Variants in BRWD1 observed in about 807,000 individuals in gnomAD.
BRWD1 encodes bromodomain and WD repeat-containing protein 1.
BRWD1 carries 82 observed loss-of-function variants against 251.2 expected under a neutral mutation model. That is an observed-to-expected ratio of 0.33 (90% CI 0.27 to 0.39). BRWD1 has a LOEUF of 0.39. Among genes scored for constraint, BRWD1 ranks in the 10% least tolerant of loss-of-function variants. The pLI is 1.00. For synonymous variants in BRWD1, 918 were observed against 902.8 expected, an observed-to-expected ratio of 1.02 and a Z score of -0.30; for missense variants, 2,233 against 2,711.6, an observed-to-expected ratio of 0.82 and a Z score of 3.92.
chr21:39,309,843 A>AAAAAAGG (rs1243510663), intron 4 of BRWD1, among the ~76,000 whole-genome samples: 2 of 151,670 alleles, frequency 1.3e-5, no homozygotes, highest in African/African-American at 4.8e-5. Flanking sequence ...AAAAAAAAAA[A>AAAAAAGG]AGACACCCAG....
At chr21:39,318,579 CTTCA>C (rs974852214), upstream of BRWD1, among the ~76,000 whole-genome samples, 7 of 152,182 alleles carry the variant, frequency 4.6e-5, no homozygotes, top group African/African-American at 1.7e-4. Flanking sequence ...ACCTGGATCA[CTTCA>C]TTCATTCATT....
intron 29 of BRWD1, among the ~76,000 whole-genome samples, chr21:39,220,936 T>C (rs2033150982): frequency 6.6e-6 from 1 of 152,060 alleles, no homozygotes; most frequent in African/African-American, 2.4e-5. Context: ...GGCAGGGGGA[T>C]CACTTGAGGT....
chr21:39,312,998 G>A (rs1250481876), intron 3 of BRWD1, 74 bp downstream of exon 3: 1 of 1,130,692 alleles, frequency 8.8e-7, no homozygotes, highest in Non-Finnish European at 1.1e-6. Context: ...CGGGCGGGGG[G>A]CGCGGGCGAG....
upstream of BRWD1, among the ~76,000 whole-genome samples, chr21:39,315,365 G>C (rs192077761): frequency 2.4e-4 from 36 of 152,082 alleles, no homozygotes; most frequent in African/African-American, 7.9e-4. Context: ...CGGGTATGGT[G>C]GCTCACGCCT....
intron 19 of BRWD1, among the ~76,000 whole-genome samples, chr21:39,252,454 G>C (rs1372129223): frequency 6.6e-6 from 1 of 151,972 alleles, no homozygotes; most frequent in African/African-American, 2.4e-5. Context: ...AACTTTTATA[G>C]TCAGAAAACA....
intron 36 of BRWD1, among the ~76,000 whole-genome samples, chr21:39,207,451 A>AACACACACACACACACACACAC (rs58765400): frequency 7.6e-4 from 100 of 131,306 alleles, no homozygotes; most frequent in Middle Eastern, 4.1e-3. Context: ...AAAAAAAGAA[A>AACACACACACACACACACACAC]ACACACACAC....
chr21:39,184,241 T>C (rs1004524084), downstream of BRWD1: 1 of 152,250 alleles, frequency 6.6e-6, no homozygotes, highest in Admixed American at 6.5e-5. Context: ...CTGATGATTG[T>C]CAAGGCGATT....
chr21:39,285,715 G>C (rs568209647), intron 8 of BRWD1, among the ~76,000 whole-genome samples: 1 of 151,910 alleles, frequency 6.6e-6, no homozygotes, highest in Admixed American at 6.6e-5. Context: ...TCGAGCCTAG[G>C]AGTGTGACCA....
At chr21:39,198,358 A>G (rs952772656) in intron 40 of BRWD1, among the ~76,000 whole-genome samples, 2 of 152,198 alleles carry the variant, frequency 1.3e-5, no homozygotes, top group African/African-American at 4.8e-5. Flanking sequence ...TTTATTTGCT[A>G]TTACTAACAT....
intron 33 of BRWD1, 87 bp downstream of exon 33, chr21:39,213,394 T>C: frequency 9.8e-7 from 1 of 1,021,000 alleles, no homozygotes; most frequent in Non-Finnish European, 1.5e-6. Context: ...ACTACAAGAG[T>C]TGGTACTACA....
chr21:39,211,044 C>T, intron 34 of BRWD1, 115 bp from the exon 35 acceptor site: 1 of 1,057,726 alleles, frequency 9.5e-7, no homozygotes, highest in Non-Finnish European at 1.3e-6. Context: ...ATATGTTGCT[C>T]TCAACACATT....
chr21:39,296,659 T>C (rs2035969364), intron 5 of BRWD1: 1 of 900,784 alleles, frequency 1.1e-6, no homozygotes, highest in African/African-American at 1.8e-5. Flanking sequence ...AGGTAGGTAT[T>C]TTTGCCAATT....
chr21:39,226,229 C>T (rs192634356), intron 27 of BRWD1, among the ~76,000 whole-genome samples: 3 of 152,182 alleles, frequency 2.0e-5, no homozygotes, highest in Admixed American at 1.3e-4. Context: ...TAGCTGATCA[C>T]CCTGGTAATC....
chr21:39,287,015 C>G (rs183615564), intron 8 of BRWD1, among the ~76,000 whole-genome samples: 186 of 152,290 alleles, frequency 1.2e-3, no homozygotes, highest in African/African-American at 4.1e-3. Flanking sequence ...AGATATCACA[C>G]TGACATGAAC....
intron 25 of BRWD1, 76 bp from the exon 26 acceptor site, chr21:39,229,512 T>G (rs934502580): frequency 6.6e-6 from 9 of 1,357,112 alleles, no homozygotes; most frequent in Non-Finnish European, 9.1e-6. Context: ...TACTGTTATA[T>G]TAAGTAAACT....
At chr21:39,260,429 T>C (rs963205200) in intron 17 of BRWD1, among the ~76,000 whole-genome samples, 5 of 152,204 alleles carry the variant, frequency 3.3e-5, no homozygotes, top group African/African-American at 1.2e-4. Context: ...CGTGAGCCAC[T>C]GCACTCAGCC....
At chr21:39,202,267 G>T in intron 38 of BRWD1, 58 bp downstream of exon 38, 1 of 1,280,128 alleles carries the variant, frequency 7.8e-7, no homozygotes, top group Non-Finnish European at 1.1e-6. Flanking sequence ...TCTAGTAACG[G>T]CCAGTGTTAC....
rs542634313 is a variant in BRWD1, at chr21:39,292,768, A to T, written c.831+1043T>A. On this transcript the variant is annotated intron_variant, in intron 8 of 40. Coordinates refer to ENST00000342449, the MANE Select transcript of BRWD1 (RefSeq NM_033656.4). ...CAAGCGAATTTTTTTTAAACTGCAT[A>T]GATAGGTGAAATTTATATTTTAAGT... 3.3e-5 allele frequency among the ~76,000 whole-genome samples: 5 copies of T among 152,302 alleles called. No individual in the cohort carries two copies. In the East Asian group the frequency reaches 9.6e-4, roughly 29 times the overall value.
rs1162488513 is a variant in BRWD1 at position 39,196,965 on chromosome 21, ATATTGG to A, written c.6098_6103del (p.Thr2033_Asn2034del). On this transcript the variant is annotated inframe_deletion, in exon 41 of 41. Transcript: ENST00000342449. The stretch of plus-strand genomic sequence containing the variant: ...TTTAGAAGGTGCATCTATTTTGTGA[ATATTGG>A]TATGCCTGTGCTTGTGTTCTGAATT... 1 of 1,614,004 alleles carries A rather than the reference ATATTGG, an allele frequency of 6.2e-7. No homozygotes were observed. Among genetic ancestry groups the A allele is most frequent in the Admixed American group, 1.7e-5 (1 of 60,020 alleles).
Sources: gnomAD v4.1 joint callset for allele counts (sites outside exome capture counted in the v4.1 genomes callset) on GRCh38, gnomAD v4.1.1 for gene constraint, MANE v1.5 for transcripts, NCBI Gene and HGNC (gene_info 2026-07-23, HGNC 2026-07-21) for gene names.